The following GRID1 variants were observed in gnomAD, a reference collection of about 807,000 sequenced individuals.
GRID1 encodes glutamate receptor ionotropic, delta-1.
GRID1 carries 28 observed loss-of-function variants against 98.0 expected under a neutral mutation model. The observed-to-expected ratio is 0.29, with a 90% confidence interval of 0.21 to 0.39. The LOEUF is 0.39. GRID1 is among the 10% of genes least tolerant of loss of function. The pLI is 1.00. For missense variants in GRID1, 1,111 were observed against 1,340.5 expected (o/e 0.83, Z 2.67); for synonymous variants, 553 against 538.5 (o/e 1.03, Z -0.37).
chr10:86,355,691 C>T (rs1181904639), intron 2 of GRID1, among the ~76,000 whole-genome samples: 1 of 152,268 alleles, frequency 6.6e-6, no homozygotes, highest in African/African-American at 2.4e-5. Context: ...TGGCTGTTTA[C>T]AGGCTGGGAG....
intron 2 of GRID1, among the ~76,000 whole-genome samples, chr10:86,243,539 C>T (rs11201953): frequency 0.022 from 3,403 of 152,254 alleles, 52 homozygotes; most frequent in Middle Eastern, 0.068. Flanking sequence ...AACTGAGGCT[C>T]AGAGTGGTAA....
chr10:86,333,223 C>G (rs533638789), intron 2 of GRID1, among the ~76,000 whole-genome samples: 9 of 152,322 alleles, frequency 5.9e-5, no homozygotes, highest in Admixed American at 4.6e-4. Context: ...TCTCTTATCT[C>G]TCATCTTAGG....
chr10:85,716,877 A>C (rs1271487425), intron 12 of GRID1, among the ~76,000 whole-genome samples: 1 of 152,132 alleles, frequency 6.6e-6, no homozygotes, highest in African/African-American at 2.4e-5. Flanking sequence ...GAATGCTCTC[A>C]CTTATATTTG....
At chr10:86,050,120 A>G (rs934782691) in intron 4 of GRID1, among the ~76,000 whole-genome samples, 2 of 152,212 alleles carry the variant, frequency 1.3e-5, no homozygotes, top group Non-Finnish European at 2.9e-5. Context: ...CACAGGGATC[A>G]CTGGAAAATC....
intron 3 of GRID1, among the ~76,000 whole-genome samples, chr10:86,140,552 T>C (rs2131973225): frequency 6.6e-6 from 1 of 152,298 alleles, no homozygotes; most frequent in African/African-American, 2.4e-5. Context: ...GGAGCCATCA[T>C]GGGGAACCAA....
At chr10:85,944,399 T>G (rs191243031) in intron 4 of GRID1, among the ~76,000 whole-genome samples, 1 of 152,212 alleles carries the variant, frequency 6.6e-6, no homozygotes, top group Non-Finnish European at 1.5e-5. Context: ...AGAAAAATAA[T>G]AATTTCAGTT....
At chr10:85,646,731 G>A (rs1843198260) in intron 13 of GRID1, 1 of 180,568 alleles carries the variant, frequency 5.5e-6, no homozygotes, top group Non-Finnish European at 1.2e-5. Flanking sequence ...CGGCCCCAGA[G>A]ATGAGTCCAG....
At chr10:85,746,974 A>T (rs1842003303) in intron 8 of GRID1, among the ~76,000 whole-genome samples, 1 of 152,150 alleles carries the variant, frequency 6.6e-6, no homozygotes, top group African/African-American at 2.4e-5. Context: ...TTCCCACATC[A>T]TCTAAAATGC....
intron 3 of GRID1, among the ~76,000 whole-genome samples, chr10:86,170,994 C>A (rs981410684): frequency 3.3e-5 from 5 of 152,190 alleles, no homozygotes; most frequent in African/African-American, 1.2e-4. Context: ...ACCGCCACCA[C>A]CCGTTCAGCG....
chr10:86,221,708 G>A (rs1284472858), intron 2 of GRID1, among the ~76,000 whole-genome samples: 2 of 152,248 alleles, frequency 1.3e-5, no homozygotes, highest in African/African-American at 4.8e-5. Flanking sequence ...GGTGACGGCT[G>A]TTAGGAGGAA....
chr10:85,958,941 G>A (rs1487433236), intron 4 of GRID1, among the ~76,000 whole-genome samples: 1 of 143,670 alleles, frequency 7.0e-6, no homozygotes, highest in African/African-American at 2.6e-5. Flanking sequence ...TGAGCTATGA[G>A]AGTGAAACTC....
At chr10:86,253,254 G>A (rs1326871668) in intron 2 of GRID1, among the ~76,000 whole-genome samples, 1 of 152,220 alleles carries the variant, frequency 6.6e-6, no homozygotes, top group African/African-American at 2.4e-5. Context: ...TCCACATCCT[G>A]CATCTCTGCA....
chr10:85,907,364 G>A (rs922053142), intron 5 of GRID1, among the ~76,000 whole-genome samples: 10 of 152,042 alleles, frequency 6.6e-5, no homozygotes, highest in Non-Finnish European at 1.2e-4. Context: ...TGCCTGCCTC[G>A]GCCTCCCAAA....
At chr10:86,332,853 C>T (rs1848167704) in intron 2 of GRID1, among the ~76,000 whole-genome samples, 1 of 152,158 alleles carries the variant, frequency 6.6e-6, no homozygotes, top group Admixed American at 6.5e-5. Flanking sequence ...TTCCCCTTCC[C>T]TCACTCCAAT....
chr10:86,173,801 C>T (rs1327896652), intron 3 of GRID1, among the ~76,000 whole-genome samples: 1 of 144,838 alleles, frequency 6.9e-6, no homozygotes, highest in Non-Finnish European at 1.5e-5. Context: ...GTTCAATTCC[C>T]ACCTATGAGT....
intron 4 of GRID1, among the ~76,000 whole-genome samples, chr10:86,114,077 G>A (rs1270295050): frequency 1.3e-5 from 2 of 152,092 alleles, no homozygotes; most frequent in South Asian, 2.1e-4. Flanking sequence ...CTCCATCTCG[G>A]TGGGATCATA....
chr10:85,772,152 C>T (rs1346276057), intron 8 of GRID1, among the ~76,000 whole-genome samples: 3 of 152,124 alleles, frequency 2.0e-5, no homozygotes, highest in Non-Finnish European at 4.4e-5. Flanking sequence ...CAAACTAGAA[C>T]TCAGGATTAA....
At chr10:85,867,969 C>T (rs896479228) in intron 6 of GRID1, among the ~76,000 whole-genome samples, 3 of 152,220 alleles carry the variant, frequency 2.0e-5, no homozygotes, top group Non-Finnish European at 4.4e-5. Context: ...ACACCCTACT[C>T]AAGATTCCAC....
At chr10:86,059,421 T>A (rs1017830774) in intron 4 of GRID1, among the ~76,000 whole-genome samples, 1 of 152,262 alleles carries the variant, frequency 6.6e-6, no homozygotes, top group Non-Finnish European at 1.5e-5. Flanking sequence ...ATTTATGAAA[T>A]CCTTAGATTT....
Sources: allele counts gnomAD v4.1 joint callset (sites outside exome capture counted in the v4.1 genomes callset), GRCh38; gene constraint gnomAD v4.1.1; transcripts MANE v1.5; gene names NCBI Gene and HGNC (gene_info 2026-07-23, HGNC 2026-07-21).